ANK3: variants seen among roughly 807,000 people sequenced by gnomAD.
ANK3 encodes the protein ankyrin-3.
A neutral mutation model predicts 370.9 loss-of-function variants in ANK3; 57 were observed. The observed-to-expected ratio is 0.15, with a 90% CI of 0.12 to 0.19. The LOEUF (loss-of-function observed/expected upper bound fraction) is 0.19. Among genes scored for constraint, ANK3 ranks in the 10% least tolerant of loss-of-function variants. The pLI, the probability that ANK3 is intolerant of heterozygous loss-of-function variation, is 1.00. For missense variants in ANK3, 4,439 were observed against 5,302.1 expected (o/e 0.84, Z 5.06); for synonymous variants, 1,929 against 1,946.3 (o/e 0.99, Z 0.23).
chr10:60,169,364 G>GTTTTTTTT (rs71015773), intron 21 of ANK3, among the ~76,000 whole-genome samples: 32 of 51,890 alleles, frequency 6.2e-4, no homozygotes, highest in African/African-American at 2.1e-3. Context: ...TTGTCTCATA[G>GTTTTTTTT]TTTTTTTTTT....
chr10:60,050,822 C>G (rs568669431), intron 42 of ANK3: 2 of 147,484 alleles, frequency 1.4e-5, no homozygotes, highest in East Asian at 4.0e-4. Context: ...TTCTATTTTC[C>G]TTTTTTTTTT....
At chr10:60,720,010 T>C (rs1023459626) in intron 1 of ANK3, among the ~76,000 whole-genome samples, 11 of 152,196 alleles carry the variant, frequency 7.2e-5, no homozygotes, top group African/African-American at 2.7e-4. Context: ...AAGATCACTT[T>C]AAAGAAAAAT....
intron 2 of ANK3, among the ~76,000 whole-genome samples, chr10:60,490,424 C>A (rs1249827860): frequency 2.0e-5 from 3 of 152,186 alleles, no homozygotes; most frequent in Non-Finnish European, 4.4e-5. Context: ...CCTCCTCCAT[C>A]CTTAACCCTC....
chr10:60,141,573 T>TG (rs1565274750), intron 23 of ANK3, among the ~76,000 whole-genome samples: 9 of 23,602 alleles, frequency 3.8e-4, no homozygotes, highest in Non-Finnish European at 1.2e-3. Context: ...TTTTTTTTTT[T>TG]TTTTTTTTTT....
rs1377521412 is a variant in ANK3, at chr10:60,716,979, C to T, written c.57+16284G>A. Among the ~76,000 whole-genome samples the T allele has an allele frequency of 2.0e-5, 3 of 152,190 alleles. No homozygotes were observed. In the East Asian group the frequency reaches 5.8e-4, roughly 29 times the overall value. ...CTAAAGAGCGGAGACCCAGCAATTG[C>T]TACTTATACAGCCAGTGATTTATAA... On this transcript the variant is annotated intron_variant, in intron 1 of 43. Coordinates refer to the ANK3 transcript ENST00000373827.
In ANK3 at chr10:60,468,995, GTGTATATATA is replaced by G. The variant is rs1444965301; in HGVS notation, c.96+146181_96+146190del. 2.3e-4 allele frequency among the ~76,000 whole-genome samples: 8 copies of G among 34,552 alleles called. 1 individual carries two copies. Among genetic ancestry groups the G allele is most frequent in the Admixed American group, 5.3e-4 (2 of 3,798 alleles). 22.7% of individuals were successfully genotyped at this position (34,552 alleles called of 152,430 possible). On this transcript the variant is annotated intron_variant, in intron 2 of 43. Coordinates refer to the ANK3 transcript ENST00000373827. Reference sequence around the variant, plus strand: ...CCACTATATATATACCACTTTTAGTGTGTATATATATATATATATATATACCACTTTTAGT... The same window carrying G: ...CCACTATATATATACCACTTTTAGTGTATATATATATATACCACTTTTAGT...
chr10:60,163,893 C>T (rs1411764016), intron 23 of ANK3, among the ~76,000 whole-genome samples: 2 of 151,962 alleles, frequency 1.3e-5, no homozygotes, highest in African/African-American at 2.4e-5. Context: ...CTGGGGATAC[C>T]AATGTGATGA....
At chr10:60,711,454 T>C (rs1329154322) in intron 1 of ANK3, among the ~76,000 whole-genome samples, 1 of 151,972 alleles carries the variant, frequency 6.6e-6, no homozygotes. Context: ...TAGGCTCAGC[T>C]GTAGACTGGA....
intron 2 of ANK3, among the ~76,000 whole-genome samples, chr10:60,491,625 A>T (rs2075508199): frequency 6.6e-6 from 1 of 152,220 alleles, no homozygotes; most frequent in Admixed American, 6.5e-5. Context: ...GAACTTAGAC[A>T]TGAAACACAG....
At chr10:60,180,594 C>CAAAAAAAAAAAAAAAAAAAAAAAAAA (rs58386273) in intron 18 of ANK3, among the ~76,000 whole-genome samples, 3 of 63,412 alleles carry the variant, frequency 4.7e-5, no homozygotes, top group African/African-American at 6.9e-5. Flanking sequence ...GACTCCGTCT[C>CAAAAAAAAAAAAAAAAAAAAAAAAAA]AAAAAAAAAA....
At chr10:60,422,492 C>T (rs1265629017) in intron 2 of ANK3, among the ~76,000 whole-genome samples, 1 of 152,070 alleles carries the variant, frequency 6.6e-6, no homozygotes, top group East Asian at 1.9e-4. Flanking sequence ...ATCTATGCTT[C>T]TAGGGACACG....
chr10:60,466,419 T>G (rs1054901483), intron 2 of ANK3, among the ~76,000 whole-genome samples: 4 of 152,202 alleles, frequency 2.6e-5, no homozygotes, highest in African/African-American at 9.7e-5. Flanking sequence ...AGAACAATGG[T>G]GAAATAGGTT....
At chr10:60,041,171 C>A (rs1374135482) in intron 43 of ANK3, among the ~76,000 whole-genome samples, 2 of 152,156 alleles carry the variant, frequency 1.3e-5, no homozygotes, top group East Asian at 3.9e-4. Context: ...CACCAGTGCC[C>A]CTTCCAATTC....
intron 2 of ANK3, among the ~76,000 whole-genome samples, chr10:60,404,632 T>A (rs2132912189): frequency 6.6e-6 from 1 of 152,152 alleles, no homozygotes; most frequent in Admixed American, 6.5e-5. Flanking sequence ...GAAGAAAACA[T>A]AGGAAAATAT....
At chr10:60,057,359 CTTTG>C (rs1383040861) in intron 41 of ANK3, among the ~76,000 whole-genome samples, 7 of 152,166 alleles carry the variant, frequency 4.6e-5, no homozygotes, top group South Asian at 2.1e-4. Context: ...TTTTGAGCAT[CTTTG>C]TTTATTACCG....
At chr10:60,132,861 C>T (rs2094160279) in intron 25 of ANK3, among the ~76,000 whole-genome samples, 1 of 152,144 alleles carries the variant, frequency 6.6e-6, no homozygotes, top group South Asian at 2.1e-4. Context: ...AGTGATCTGC[C>T]TGTCTTGGCC....
At chr10:60,169,403 G>C (rs903242259) in intron 21 of ANK3, among the ~76,000 whole-genome samples, 8 of 136,346 alleles carry the variant, frequency 5.9e-5, no homozygotes, top group Non-Finnish European at 1.1e-4. Context: ...GACTGGGGCT[G>C]TATGTTTTAC....
chr10:60,339,353 T>C (rs912152506), intron 1 of ANK3, among the ~76,000 whole-genome samples: 1 of 152,162 alleles, frequency 6.6e-6, no homozygotes, highest in Admixed American at 6.6e-5. Flanking sequence ...ATGGATACCA[T>C]ACGATAATAC....
chr10:60,218,963 G>A (rs948386656), intron 8 of ANK3, among the ~76,000 whole-genome samples: 3 of 151,774 alleles, frequency 2.0e-5, no homozygotes, highest in African/African-American at 7.3e-5. Context: ...ATTTCTTGGA[G>A]GCTTTGTTCA....
Sources: gnomAD v4.1 joint callset for allele counts (sites outside exome capture counted in the v4.1 genomes callset) on GRCh38, gnomAD v4.1.1 for gene constraint, MANE v1.5 for transcripts, NCBI Gene and HGNC (gene_info 2026-07-23, HGNC 2026-07-21) for gene names.